Variants in ZNF676 observed in about 807,000 individuals in gnomAD.
ZNF676 encodes the protein zinc finger protein 676.
ZNF676 carries 4 observed loss-of-function variants against 6.0 expected under a neutral mutation model. That is an observed-to-expected ratio of 0.67 (90% CI 0.33 to 1.53). The LOEUF (loss-of-function observed/expected upper bound fraction) is 1.53. ZNF676 is among the 40% of genes most tolerant of loss of function. ZNF676 has a pLI of 0.06. For synonymous variants in ZNF676, 198 were observed against 223.1 expected (o/e 0.89, Z 1.00); for missense variants, 644 against 679.7 (o/e 0.95, Z 0.58).
upstream of ZNF676, among the ~76,000 whole-genome samples, chr19:22,200,283 T>C (rs537184757): frequency 4.5e-4 from 69 of 152,166 alleles, no homozygotes; most frequent in Non-Finnish European, 4.4e-5. Flanking sequence ...GAAAAATAAG[T>C]ATTCTTAGCA....
the ZNF676 span, among the ~76,000 whole-genome samples, chr19:22,259,487 T>C: frequency 7.2e-5 from 11 of 152,274 alleles, no homozygotes. Flanking sequence ...ACGATGATTC[T>C]CGTGGGCAAG....
the ZNF676 span, among the ~76,000 whole-genome samples, chr19:22,226,577 T>TAAATAAATAAAA: frequency 7.3e-6 from 1 of 136,592 alleles, no homozygotes; most frequent in Non-Finnish European, 1.5e-5. Context: ...TTTATTTTAT[T>TAAATAAATAAAA]TAGAGAGAGA....
At chr19:22,194,893 T>C (rs1445001823) in intron 1 of ZNF676, among the ~76,000 whole-genome samples, 2 of 152,064 alleles carry the variant, frequency 1.3e-5, no homozygotes, top group African/African-American at 4.8e-5. Flanking sequence ...GAGAAAGAAT[T>C]ACATTAGTTA....
intron 1 of ZNF676, among the ~76,000 whole-genome samples, chr19:22,202,317 G>A (rs1202926564): frequency 6.6e-6 from 1 of 152,118 alleles, no homozygotes; most frequent in Non-Finnish European, 1.5e-5. Flanking sequence ...GACCTATAAA[G>A]TTTGTAGAAA....
intron 2 of ZNF676, among the ~76,000 whole-genome samples, chr19:22,191,092 G>A (rs1019771853): frequency 1.3e-5 from 2 of 152,110 alleles, no homozygotes; most frequent in African/African-American, 4.8e-5. Flanking sequence ...AGAAAGGTTG[G>A]AGAATTGCTG....
At chr19:22,219,332 C>T (rs1568539057), upstream of ZNF676, among the ~76,000 whole-genome samples, 1 of 152,024 alleles carries the variant, frequency 6.6e-6, no homozygotes, top group Admixed American at 6.6e-5. Flanking sequence ...CTCCTGACCT[C>T]AAGTGATCCA....
the ZNF676 span, among the ~76,000 whole-genome samples, chr19:22,233,296 A>G: frequency 2.0e-5 from 3 of 151,686 alleles, no homozygotes; most frequent in Admixed American, 2.0e-4. Context: ...GGTGTGAGCC[A>G]TCTCACCCGG....
the ZNF676 span, among the ~76,000 whole-genome samples, chr19:22,241,970 C>T: frequency 3.6e-4 from 55 of 151,188 alleles, no homozygotes; most frequent in South Asian, 8.4e-4. Context: ...TAAACAGTCT[C>T]GTCTGTGTGC....
In ZNF676 at chr19:22,196,609, C is replaced by A; in HGVS notation, c.25G>T (p.Val9Phe). 6.2e-7 allele frequency: 1 copy of A among 1,613,740 alleles called. No homozygotes were observed. The highest frequency in any genetic ancestry group is 1.1e-5 in the South Asian group (1 of 91,076). The change falls in exon 1 of 3, where the codon GTC becomes TTC. Residue 9 changes from valine (V) to phenylalanine (F), a missense_variant. Physicochemically the swap from Val to Phe is conservative, Grantham distance 50. This residue lies in a region of ZNF676 where 280 missense variants were observed against 269.3 expected (regional missense o/e 1.04). Transcript: ENST00000397121. The stretch of plus-strand genomic sequence containing the variant: ...TTAAAGTTATTCTCACCCAGGAAGA[C>A]CAGGTTTCTGTAGTTCTCTAACATC... MLENYRNL[V>F]FLGIAAFKPD...
chr19:22,214,294 G>A (rs548827908), intron 1 of ZNF676, among the ~76,000 whole-genome samples: 34 of 152,234 alleles, frequency 2.2e-4, no homozygotes, highest in African/African-American at 8.2e-4. Flanking sequence ...GACTGAGGAG[G>A]CTTTATTTCC....
At position 22,179,779 on chromosome 19, in the gene ZNF676, C is replaced by T. The variant is rs1599707766; in HGVS notation, c.*171G>A. ...GTTGAAGCCTTTGTCACATTCTTCA[C>T]GTTTGTAGTGTTTCTCTCCAGCATG... On this transcript the variant is annotated 3_prime_UTR_variant, in exon 3 of 3. Transcript: ENST00000397121. The T allele has an allele frequency of 4.7e-6, 4 of 852,124 alleles. No individual in the cohort carries two copies. The highest frequency in any genetic ancestry group is 4.1e-5 in the Admixed American group (2 of 48,198). 52.8% of individuals were successfully genotyped at this position (852,124 alleles called of 1,614,324 possible).
chr19:22,193,582 C>T (rs1171125663), intron 1 of ZNF676, among the ~76,000 whole-genome samples: 1 of 151,980 alleles, frequency 6.6e-6, no homozygotes, highest in Non-Finnish European at 1.5e-5. Flanking sequence ...CCAACAGCGC[C>T]TATTGAAAAT....
At chr19:22,182,473 C>A (rs1435393146) in intron 2 of ZNF676, among the ~76,000 whole-genome samples, 1 of 147,380 alleles carries the variant, frequency 6.8e-6, no homozygotes, top group Admixed American at 6.8e-5. Flanking sequence ...GAAGCAGGAA[C>A]ACAAAAGACT....
chr19:22,212,916 A>G (rs1235436938), intron 1 of ZNF676, among the ~76,000 whole-genome samples: 1 of 151,790 alleles, frequency 6.6e-6, no homozygotes, highest in Non-Finnish European at 1.5e-5. Context: ...AATTGCTTTA[A>G]TCCGGGAGGC....
At chr19:22,186,970 T>C (rs571871409) in intron 2 of ZNF676, among the ~76,000 whole-genome samples, 1 of 152,230 alleles carries the variant, frequency 6.6e-6, no homozygotes, top group African/African-American at 2.4e-5. Flanking sequence ...ATTAGACAGA[T>C]AAATGAGACA....
the ZNF676 span, among the ~76,000 whole-genome samples, chr19:22,252,916 T>C: frequency 1.4e-4 from 21 of 152,218 alleles, no homozygotes; most frequent in African/African-American, 5.1e-4. Flanking sequence ...CAGTCACAGC[T>C]ACATGAAGGT....
At chr19:22,247,214 C>T in the ZNF676 span, among the ~76,000 whole-genome samples, 3 of 152,028 alleles carry the variant, frequency 2.0e-5, no homozygotes, top group South Asian at 4.1e-4. Context: ...GGGTTAAAGA[C>T]CTCTCTTAAT....
intron 1 of ZNF676, among the ~76,000 whole-genome samples, chr19:22,210,736 T>C (rs2024121268): frequency 6.6e-6 from 1 of 152,188 alleles, no homozygotes. Flanking sequence ...GTTAAAAAAA[T>C]CAGCTGTATT....
the ZNF676 span, among the ~76,000 whole-genome samples, chr19:22,256,368 G>T: frequency 6.6e-6 from 1 of 152,110 alleles, no homozygotes; most frequent in Non-Finnish European, 1.5e-5. Context: ...TGGGTGCTTG[G>T]CCAGAGATTT....
Sources: gnomAD v4.1 joint callset for allele counts (sites outside exome capture counted in the v4.1 genomes callset) on GRCh38, gnomAD v4.1.1 for gene constraint, gnomAD v4.1.1 regional missense constraint, MANE v1.5 for transcripts, NCBI Gene and HGNC (gene_info 2026-07-23, HGNC 2026-07-21) for gene names.